Variants in PPP1R42 observed in about 807,000 individuals in gnomAD.
PPP1R42 encodes protein phosphatase 1 regulatory subunit 42.
A neutral mutation model predicts 31.0 loss-of-function variants in PPP1R42; 34 were observed. The observed-to-expected ratio is 1.10, with a 90% CI of 0.83 to 1.46. PPP1R42 has a LOEUF of 1.46. Ranked by LOEUF, PPP1R42 falls within the 40% of genes most tolerant of loss-of-function variation. The probability of loss-of-function intolerance (pLI) is 0.00; values close to 1 mark genes in which losing one functional copy is unlikely to be tolerated. For synonymous variants in PPP1R42, 103 were observed against 109.8 expected, an observed-to-expected ratio of 0.94 and a Z score of 0.39; for missense variants, 268 against 303.0, an observed-to-expected ratio of 0.88 and a Z score of 0.86.
chr8:66,982,822 C>A (rs1190169903), intron 6 of PPP1R42, among the ~76,000 whole-genome samples: 1 of 152,136 alleles, frequency 6.6e-6, no homozygotes, highest in Non-Finnish European at 1.5e-5. Flanking sequence ...GTCACCCAGG[C>A]TGGAATGCAG....
At chr8:66,964,949 C>T (rs775150934) in intron 7 of PPP1R42, among the ~76,000 whole-genome samples, 2 of 152,188 alleles carry the variant, frequency 1.3e-5, no homozygotes, top group Non-Finnish European at 2.9e-5. Flanking sequence ...CTTTCTCCCA[C>T]CTCCAGTTTC....
chr8:66,971,216 T>A (rs1461095665), intron 7 of PPP1R42: 1 of 1,050,518 alleles, frequency 9.5e-7, no homozygotes, highest in African/African-American at 1.6e-5. Flanking sequence ...ATAACAATAT[T>A]AGATTATCTA....
intron 7 of PPP1R42, among the ~76,000 whole-genome samples, chr8:66,981,304 A>G (rs1814826433): frequency 6.6e-6 from 1 of 152,150 alleles, no homozygotes; most frequent in African/African-American, 2.4e-5. Flanking sequence ...GTATGTGCAT[A>G]AGAAGGGAGA....
At chr8:67,023,394 G>A (rs940953424) in intron 1 of PPP1R42, among the ~76,000 whole-genome samples, 1 of 152,172 alleles carries the variant, frequency 6.6e-6, no homozygotes, top group African/African-American at 2.4e-5. Context: ...GCAGGCATGA[G>A]CCACCATGCC....
chr8:66,972,679 C>A (rs139932848), intron 7 of PPP1R42, among the ~76,000 whole-genome samples: 3 of 152,196 alleles, frequency 2.0e-5, no homozygotes, highest in African/African-American at 7.2e-5. Context: ...CATGAGCCAC[C>A]GCACCTGGCC....
At chr8:67,019,463 C>T (rs1418312295) in intron 1 of PPP1R42, among the ~76,000 whole-genome samples, 1 of 150,412 alleles carries the variant, frequency 6.6e-6, no homozygotes, top group African/African-American at 2.4e-5. Flanking sequence ...TGGTCTTGAA[C>T]TCCTGACCTC....
chr8:66,964,669 A>ATTAT (rs1373787463), intron 7 of PPP1R42, among the ~76,000 whole-genome samples: 1 of 152,206 alleles, frequency 6.6e-6, no homozygotes, highest in Non-Finnish European at 1.5e-5. Context: ...AAATAATCAT[A>ATTAT]CATATCAATT....
intron 6 of PPP1R42, chr8:66,984,267 T>G: frequency 2.8e-6 from 4 of 1,443,720 alleles, no homozygotes; most frequent in Non-Finnish European, 3.9e-6. Flanking sequence ...AGCTCCGGTC[T>G]TTGGCTGTAC....
rs1815819468 is a variant in PPP1R42 at position 67,010,786 on chromosome 8, T to G, written c.481A>C (p.Ile161Leu). The G allele has an allele frequency of 1.5e-5, 24 of 1,606,014 alleles. No individual in the cohort carries two copies. The highest frequency in any genetic ancestry group is 2.0e-5 in the Non-Finnish European group (23 of 1,177,150). The change falls in exon 5 of 8, where the codon ATT becomes CTT. Residue 161 changes from isoleucine to leucine, a missense_variant. By Grantham distance (5) the Ile-to-Leu change is conservative. Coordinates refer to ENST00000685739, the MANE Select transcript of PPP1R42 (RefSeq NM_001364910.1). ...LNISNNNIDD[I>L]TDLELLENLN... The stretch of plus-strand genomic sequence containing the variant: ...TTCTCTAGTAGTTCTAAGTCTGTAA[T>G]GTCATCAATATTATTATTGCTGATA...
intron 1 of PPP1R42, among the ~76,000 whole-genome samples, chr8:67,024,070 C>G (rs776216260): frequency 1.3e-5 from 2 of 151,730 alleles, no homozygotes; most frequent in Non-Finnish European, 2.9e-5. Flanking sequence ...CACTTGAACC[C>G]GTTAGGAGGA....
In PPP1R42 at chr8:67,017,786, T is replaced by C; in HGVS notation, c.-39A>G. On this transcript the variant is annotated 5_prime_UTR_variant, in exon 2 of 8. Transcript: ENST00000685739. ...ATCAAACTCTCAGCAAAAGCTCTGT[T>C]TTGACACCATGTCAAGAAGTAGGTT... 6.5e-7 allele frequency: 1 copy of C among 1,532,690 alleles called. No homozygotes were observed. The highest frequency in any genetic ancestry group is 1.4e-5 in the South Asian group (1 of 73,112). The allele number at this position is 1,532,690 out of a possible 1,614,324, so 94.9% of individuals were successfully genotyped here.
intron 4 of PPP1R42, 37 bp from the exon 5 acceptor site, chr8:67,010,868 G>T: frequency 6.6e-7 from 1 of 1,515,716 alleles, no homozygotes. Context: ...TTAGTAAATA[G>T]TCTAAATACT....
chr8:66,977,809 A>C (rs1160092480), intron 7 of PPP1R42, among the ~76,000 whole-genome samples: 5 of 151,976 alleles, frequency 3.3e-5, no homozygotes, highest in Non-Finnish European at 1.5e-5. Context: ...CTTGGCCGCT[A>C]ATTTTAAAAA....
At chr8:67,001,223 ATT>A (rs1170169699) in intron 5 of PPP1R42, among the ~76,000 whole-genome samples, 5 of 137,134 alleles carry the variant, frequency 3.6e-5, no homozygotes, top group Non-Finnish European at 3.2e-5. Flanking sequence ...GTACCATTGG[ATT>A]TTTTTTTTTT....
chr8:67,001,033 C>T (rs1815468341), intron 5 of PPP1R42, among the ~76,000 whole-genome samples: 1 of 152,000 alleles, frequency 6.6e-6, no homozygotes, highest in South Asian at 2.1e-4. Flanking sequence ...AGAGTTGGCA[C>T]TTTTTATCAT....
intron 6 of PPP1R42, 194 bp downstream of exon 6, chr8:66,988,206 T>C: frequency 8.2e-7 from 1 of 1,225,070 alleles, no homozygotes; most frequent in Admixed American, 4.1e-5. Flanking sequence ...TTTAATTACT[T>C]CTGAACAGCA....
chr8:67,028,388 C>A, intron 1 of PPP1R42, 103 bp downstream of exon 1: 1 of 569,268 alleles, frequency 1.8e-6, no homozygotes, highest in Non-Finnish European at 2.2e-6. Flanking sequence ...CAAGGATCTG[C>A]ATTTTAACAA....
rs764178286 is a variant in PPP1R42, at chr8:67,013,046, C to T, written c.347G>A (p.Gly116Glu). 6.2e-7 allele frequency: 1 copy of T among 1,611,788 alleles called. No homozygotes were observed. Residue 116 changes from glycine (G) to glutamate (E), a missense_variant, in exon 4 of 8, where the codon GGA becomes GAA. Transcript: ENST00000685739. ...CTCAACATGAAGCTCTCTTAGTTCT[C>T]CTAATCCTTCTAAACCTTCTATGAC... ...IAVIEGLEGL[G>E]ELRELHVENQ...
chr8:66,966,709 C>T (rs982634822), intron 7 of PPP1R42, among the ~76,000 whole-genome samples: 19 of 151,642 alleles, frequency 1.3e-4, no homozygotes, highest in African/African-American at 3.9e-4. Flanking sequence ...GGCATGAACC[C>T]GGGAGGCAGA....
Sources: allele counts gnomAD v4.1 joint callset (sites outside exome capture counted in the v4.1 genomes callset), GRCh38; gene constraint gnomAD v4.1.1; transcripts MANE v1.5; gene names NCBI Gene and HGNC (gene_info 2026-07-23, HGNC 2026-07-21).